Variants in PTPRG observed in about 807,000 individuals in gnomAD.
The protein encoded by PTPRG is protein tyrosine phosphatase receptor type G, also known as receptor-type tyrosine-protein phosphatase gamma.
Under a neutral mutation model 165.3 loss-of-function variants are expected in PTPRG, and 102 were observed. The observed-to-expected ratio is 0.62, with a 90% CI of 0.53 to 0.73. The LOEUF (loss-of-function observed/expected upper bound fraction) is 0.73. PTPRG is among the 30% of genes least tolerant of loss of function. PTPRG has a pLI of 0.00. For synonymous variants in PTPRG, 675 were observed against 669.5 expected, an observed-to-expected ratio of 1.01 and a Z score of -0.13; for missense variants, 1,866 against 1,861.4, an observed-to-expected ratio of 1.00 and a Z score of -0.05.
chr3:62,152,929 C>T (rs965598452), intron 6 of PTPRG, among the ~76,000 whole-genome samples: 2 of 152,076 alleles, frequency 1.3e-5, no homozygotes, highest in African/African-American at 4.8e-5. Flanking sequence ...TTGTATGGCC[C>T]CTGGGCTAAG....
At chr3:62,052,309 G>C (rs1258188202) in intron 4 of PTPRG, among the ~76,000 whole-genome samples, 1 of 152,162 alleles carries the variant, frequency 6.6e-6, no homozygotes, top group African/African-American at 2.4e-5. Flanking sequence ...CAGGTGTGTA[G>C]TTTATCGGTA....
intron 2 of PTPRG, among the ~76,000 whole-genome samples, chr3:61,820,106 A>G (rs1282711211): frequency 6.6e-6 from 1 of 152,180 alleles, no homozygotes; most frequent in Non-Finnish European, 1.5e-5. Context: ...TATGTGAGTT[A>G]GGGTTCTTCA....
At chr3:62,050,680 A>G (rs1408573848) in intron 4 of PTPRG, among the ~76,000 whole-genome samples, 2 of 152,230 alleles carry the variant, frequency 1.3e-5, no homozygotes, top group East Asian at 1.9e-4. Context: ...CTGAAGAAAA[A>G]TGCGAGAATT....
At chr3:61,762,930 A>T (rs1328293121) in intron 2 of PTPRG, among the ~76,000 whole-genome samples, 1 of 152,096 alleles carries the variant, frequency 6.6e-6, no homozygotes, top group Non-Finnish European at 1.5e-5. Context: ...TGTGTTCTTA[A>T]CATGGCTTCC....
intron 2 of PTPRG, among the ~76,000 whole-genome samples, chr3:61,824,716 A>G (rs2036058415): frequency 6.6e-6 from 1 of 152,218 alleles, no homozygotes; most frequent in Non-Finnish European, 1.5e-5. Context: ...AGTCAAGCCC[A>G]GGAAGTCAAG....
chr3:61,876,986 CT>C (rs149894308), intron 2 of PTPRG, among the ~76,000 whole-genome samples: 38 of 148,330 alleles, frequency 2.6e-4, no homozygotes, highest in Admixed American at 4.0e-4. Context: ...CCCTTTATTC[CT>C]TTTTTTTTTG....
intron 2 of PTPRG, among the ~76,000 whole-genome samples, chr3:61,962,545 T>G (rs1425759136): frequency 6.6e-6 from 1 of 152,224 alleles, no homozygotes; most frequent in Admixed American, 6.5e-5. Flanking sequence ...AAGGCTCATT[T>G]TTTTATATCC....
At chr3:61,625,340 C>T (rs910602755) in intron 1 of PTPRG, among the ~76,000 whole-genome samples, 1 of 152,094 alleles carries the variant, frequency 6.6e-6, no homozygotes, top group African/African-American at 2.4e-5. Flanking sequence ...TCAAATACTT[C>T]TTCATGAAAA....
chr3:61,583,875 A>G (rs149055222), intron 1 of PTPRG, among the ~76,000 whole-genome samples: 11 of 152,124 alleles, frequency 7.2e-5, no homozygotes, highest in African/African-American at 2.7e-4. Flanking sequence ...CATTCTTTTA[A>G]TGCCTACGTT....
chr3:61,864,408 T>A (rs1203505806), intron 2 of PTPRG, among the ~76,000 whole-genome samples: 6 of 152,140 alleles, frequency 3.9e-5, no homozygotes, highest in Admixed American at 2.0e-4. Flanking sequence ...TGCTTCTCCT[T>A]GTGTCCCGAT....
chr3:62,084,166 A>G lies in PTPRG; in HGVS notation c.615+5908A>G, dbSNP rs141795150. 1.1e-4 allele frequency among the ~76,000 whole-genome samples: 16 copies of G among 152,354 alleles called. No individual in the cohort carries two copies. In the South Asian group the frequency reaches 1.7e-3, roughly 16 times the overall value. On this transcript the variant is annotated intron_variant, in intron 5 of 29. Transcript: ENST00000474889. ...TTTGCATCAGAAACAAAGATATAAA[A>G]TGATTGTCATGTCTGTATCCAGAGA...
At chr3:61,604,144 C>G (rs1428336873) in intron 1 of PTPRG, among the ~76,000 whole-genome samples, 3 of 152,112 alleles carry the variant, frequency 2.0e-5, no homozygotes, top group African/African-American at 7.2e-5. Context: ...GCCAACATGG[C>G]AAAACCTTGT....
chr3:61,983,863 T>G (rs1389721866), intron 2 of PTPRG, among the ~76,000 whole-genome samples: 1 of 152,218 alleles, frequency 6.6e-6, no homozygotes, highest in African/African-American at 2.4e-5. Flanking sequence ...GGGCTGATGG[T>G]AGGGCAACAT....
intron 5 of PTPRG, among the ~76,000 whole-genome samples, chr3:62,081,362 T>C (rs1262981203): frequency 5.3e-5 from 8 of 152,224 alleles, no homozygotes; most frequent in Admixed American, 3.9e-4. Flanking sequence ...TTTATTTATT[T>C]AGATACAAAT....
intron 2 of PTPRG, among the ~76,000 whole-genome samples, chr3:61,882,420 T>C (rs2037912865): frequency 6.6e-6 from 1 of 152,184 alleles, no homozygotes; most frequent in Admixed American, 6.5e-5. Flanking sequence ...GGTGAAAGCA[T>C]TTACTATGGA....
chr3:62,219,061 C>T lies in PTPRG; in HGVS notation c.2288+78C>T, dbSNP rs191618056. ...TTTTGCTCACGGGAGGGGAATCCCA[C>T]GGCCTCTGCATTCAGGAAGGTGAGG... On this transcript the variant is annotated intron_variant, in intron 13 of 29. Coordinates refer to ENST00000474889, the MANE Select transcript of PTPRG (RefSeq NM_002841.4). This position sits in a 1 kb window ranked among gnomAD's most constrained non-coding sequence, Gnocchi z 4.5. 101 of 1,543,360 alleles carry T rather than the reference C, an allele frequency of 6.5e-5. No individual in the cohort carries two copies. The East Asian group carries it at 1.6e-3, about 25-fold the overall frequency.
rs529579287 is a variant in PTPRG at position 62,175,798 on chromosome 3, G to A, written c.1033+7635G>A. 2.0e-5 allele frequency among the ~76,000 whole-genome samples: 3 copies of A among 152,154 alleles called. No homozygotes were observed. The East Asian group carries it at 5.8e-4, about 29-fold the overall frequency. On this transcript the variant is annotated intron_variant, in intron 8 of 29. Coordinates refer to ENST00000474889, the MANE Select transcript of PTPRG (RefSeq NM_002841.4). ...GAGGTGGTGGGGAGGAGCCCTTCTA[G>A]GGATAAGGCAAGTGAGGACAGGGAG...
chr3:61,799,284 A>G (rs879933040), intron 2 of PTPRG, among the ~76,000 whole-genome samples: 3 of 151,828 alleles, frequency 2.0e-5, no homozygotes, highest in Admixed American at 2.0e-4. Flanking sequence ...CATTTTGATT[A>G]AAGTTCATAC....
intron 2 of PTPRG, among the ~76,000 whole-genome samples, chr3:61,970,792 C>T (rs1334360783): frequency 6.6e-6 from 1 of 150,666 alleles, no homozygotes; most frequent in African/African-American, 2.4e-5. Context: ...AGGAAAGAAT[C>T]ACCCAATAAA....
Sources: gnomAD v4.1 joint callset for allele counts (sites outside exome capture counted in the v4.1 genomes callset) on GRCh38, gnomAD v4.1.1 for gene constraint, Gnocchi (gnomAD v3.1) non-coding constraint, MANE v1.5 for transcripts, NCBI Gene and HGNC (gene_info 2026-07-23, HGNC 2026-07-21) for gene names.